The following FGGY variants were observed in gnomAD, a reference collection of about 807,000 sequenced individuals.
FGGY encodes FGGY carbohydrate kinase domain containing.
Under a neutral mutation model 71.3 loss-of-function variants are expected in FGGY, and 72 were observed. The ratio of observed to expected loss-of-function variants is 1.01; its 90% CI spans 0.84 to 1.23. FGGY has a LOEUF of 1.23. FGGY is among the 50% of genes most tolerant of loss of function. The pLI is 0.00. For synonymous variants in FGGY, 251 were observed against 250.3 expected, an observed-to-expected ratio of 1.00 and a Z score of -0.02; for missense variants, 668 against 682.3, an observed-to-expected ratio of 0.98 and a Z score of 0.23.
intron 12 of FGGY, among the ~76,000 whole-genome samples, chr1:59,666,536 T>G (rs188840373): frequency 6.6e-6 from 1 of 152,306 alleles, no homozygotes; most frequent in East Asian, 1.9e-4. Flanking sequence ...TCTAAGGCAA[T>G]AATGGTTTTT....
intron 14 of FGGY, among the ~76,000 whole-genome samples, chr1:59,715,713 AG>A (rs763785903): frequency 3.3e-5 from 5 of 152,210 alleles, no homozygotes; most frequent in Admixed American, 6.5e-5. Flanking sequence ...TATACACAAC[AG>A]CCAACATTTG....
chr1:59,354,434 C>T (rs2053896598), intron 4 of FGGY, among the ~76,000 whole-genome samples: 1 of 152,136 alleles, frequency 6.6e-6, no homozygotes, highest in Admixed American at 6.5e-5. Flanking sequence ...AGCAACTTGC[C>T]CAAGGTCACT....
intron 11 of FGGY, among the ~76,000 whole-genome samples, chr1:59,640,888 A>G (rs1254999265): frequency 6.6e-6 from 1 of 150,888 alleles, no homozygotes; most frequent in African/African-American, 2.5e-5. Flanking sequence ...TTGTTGGGGG[A>G]TATAAGAGTA....
At chr1:59,528,917 T>C (rs2095065467) in intron 7 of FGGY, among the ~76,000 whole-genome samples, 1 of 152,226 alleles carries the variant, frequency 6.6e-6, no homozygotes, top group African/African-American at 2.4e-5. Context: ...CGTGGCCTAA[T>C]AATTTGTTTC....
At chr1:59,553,394 T>C (rs2153704703) in intron 7 of FGGY, among the ~76,000 whole-genome samples, 1 of 152,358 alleles carries the variant, frequency 6.6e-6, no homozygotes, top group Non-Finnish European at 1.5e-5. Context: ...TCTAGCTTTC[T>C]TGTCATATTT....
intron 11 of FGGY, among the ~76,000 whole-genome samples, chr1:59,643,457 A>G (rs2097058181): frequency 6.6e-6 from 1 of 152,166 alleles, no homozygotes; most frequent in Non-Finnish European, 1.5e-5. Context: ...AGTCTCCCAA[A>G]GTGTTGAGAT....
intron 14 of FGGY, among the ~76,000 whole-genome samples, chr1:59,723,347 C>A (rs2097913115): frequency 6.6e-6 from 1 of 152,176 alleles, no homozygotes; most frequent in African/African-American, 2.4e-5. Flanking sequence ...CCACATGGAT[C>A]ATTCTAACTC....
chr1:59,703,546 C>A (rs181619060), intron 14 of FGGY, among the ~76,000 whole-genome samples: 1 of 152,288 alleles, frequency 6.6e-6, no homozygotes, highest in Admixed American at 6.5e-5. Flanking sequence ...TGCCATTGCA[C>A]AGTTTTGAAA....
intron 6 of FGGY, among the ~76,000 whole-genome samples, chr1:59,473,098 C>A (rs1378430440): frequency 6.6e-6 from 1 of 152,180 alleles, no homozygotes; most frequent in Non-Finnish European, 1.5e-5. Context: ...GGGTCCCCTT[C>A]CACACTGTGG....
intron 14 of FGGY, among the ~76,000 whole-genome samples, chr1:59,728,427 A>T (rs1022707491): frequency 6.6e-6 from 1 of 152,036 alleles, no homozygotes; most frequent in African/African-American, 2.4e-5. Flanking sequence ...ACATATAATT[A>T]TAGATCAATT....
intron 5 of FGGY, among the ~76,000 whole-genome samples, chr1:59,431,496 A>C (rs537329623): frequency 6.6e-6 from 1 of 152,348 alleles, no homozygotes; most frequent in East Asian, 1.9e-4. Context: ...TTATTAGGCT[A>C]TAGCACTAGA....
At chr1:59,378,021 T>C (rs1422070938) in intron 4 of FGGY, among the ~76,000 whole-genome samples, 1 of 152,200 alleles carries the variant, frequency 6.6e-6, no homozygotes, top group Non-Finnish European at 1.5e-5. Flanking sequence ...GAGAATTTTA[T>C]ATGGCAGGGG....
intron 4 of FGGY, among the ~76,000 whole-genome samples, chr1:59,349,036 G>A (rs540913957): frequency 4.6e-5 from 7 of 152,224 alleles, no homozygotes; most frequent in East Asian, 1.9e-4. Context: ...ACTGTTCTGC[G>A]CTGCCCGGTA....
chr1:59,309,188 C>T (rs1570062396), intron 1 of FGGY, among the ~76,000 whole-genome samples: 1 of 152,060 alleles, frequency 6.6e-6, no homozygotes, highest in Admixed American at 6.5e-5. Context: ...GCCTGTTTCC[C>T]ACACTTTTGC....
At chr1:59,591,489 C>A (rs543126169) in intron 8 of FGGY, among the ~76,000 whole-genome samples, 2,329 of 150,096 alleles carry the variant, frequency 0.016, 63 homozygotes, top group African/African-American at 0.054. Context: ...CAAGTCAATC[C>A]TAAGCCAAAA....
At chr1:59,322,470 A>G (rs1182101738) in intron 2 of FGGY, among the ~76,000 whole-genome samples, 2 of 152,112 alleles carry the variant, frequency 1.3e-5, no homozygotes, top group Non-Finnish European at 2.9e-5. Context: ...GAGTTCCCAA[A>G]GTCCAATTGT....
At chr1:59,504,864 A>C (rs1470733940) in intron 6 of FGGY, among the ~76,000 whole-genome samples, 2 of 152,172 alleles carry the variant, frequency 1.3e-5, no homozygotes, top group Non-Finnish European at 2.9e-5. Context: ...TCTTTGTCTT[A>C]TGATCTCTCG....
intron 7 of FGGY, among the ~76,000 whole-genome samples, chr1:59,543,463 G>A (rs1233779332): frequency 6.6e-6 from 1 of 152,202 alleles, no homozygotes. Context: ...AGGTGGGAGA[G>A]CCCTCTAACC....
chr1:59,533,098 G>T (rs1485384094), intron 7 of FGGY, among the ~76,000 whole-genome samples: 1 of 151,986 alleles, frequency 6.6e-6, no homozygotes, highest in Non-Finnish European at 1.5e-5. Context: ...GAGGTACGGG[G>T]TTCATCTCAC....
Sources: gnomAD v4.1 joint callset for allele counts (sites outside exome capture counted in the v4.1 genomes callset) on GRCh38, gnomAD v4.1.1 for gene constraint, MANE v1.5 for transcripts, NCBI Gene and HGNC (gene_info 2026-07-23, HGNC 2026-07-21) for gene names.